The following HNF1A variants were observed in gnomAD, a reference collection of about 807,000 sequenced individuals.
The protein encoded by HNF1A is hepatocyte nuclear factor 1-alpha.
Under a neutral mutation model 62.2 loss-of-function variants are expected in HNF1A, and 21 were observed. The ratio of observed to expected loss-of-function variants is 0.34; its 90% CI spans 0.24 to 0.49. The LOEUF (loss-of-function observed/expected upper bound fraction) is 0.49, where lower values mean the gene tolerates loss of function less well. Among genes scored for constraint, HNF1A ranks in the 20% least tolerant of loss-of-function variants. The pLI, the probability that HNF1A is intolerant of heterozygous loss-of-function variation, is 0.99. For missense variants in HNF1A, 687 were observed against 832.3 expected, an observed-to-expected ratio of 0.83 and a Z score of 2.15; for synonymous variants, 374 against 366.8, an observed-to-expected ratio of 1.02 and a Z score of -0.22.
Position 120,999,654 on chromosome 12 carries a change from C to G in HNF1A, c.1768+27C>G. On this transcript the variant is annotated intron_variant, in intron 9 of 9. Coordinates refer to ENST00000257555, the MANE Select transcript of HNF1A (RefSeq NM_000545.8). ...TGAGAGGCCCTGGCTCCACCCCCTC[C>G]CTTACTGTCCCTGCCCCCTTCCATG... 2.5e-6 allele frequency: 4 copies of G among 1,598,598 alleles called. No homozygotes were observed. The South Asian group carries it at 4.4e-5, about 18-fold the overall frequency.
At chr12:120,990,446 TA>T (rs1565884298) in intron 2 of HNF1A, among the ~76,000 whole-genome samples, 1 of 151,048 alleles carries the variant, frequency 6.6e-6, no homozygotes, top group Non-Finnish European at 1.5e-5. Context: ...TCCAGGTTTT[TA>T]AAAAAGGAAA....
intron 1 of HNF1A, among the ~76,000 whole-genome samples, chr12:120,987,898 C>A (rs1565883146): frequency 6.6e-6 from 1 of 152,138 alleles, no homozygotes; most frequent in African/African-American, 2.4e-5. Context: ...TTCTGTCACC[C>A]AGGCTGGAGT....
chr12:120,988,756 C>A (rs1593054087), intron 1 of HNF1A, 77 bp from the exon 2 acceptor site: 1 of 1,376,572 alleles, frequency 7.3e-7, no homozygotes, highest in East Asian at 2.4e-5. Context: ...GACAAGGTTC[C>A]AGCACCCAGG....
rs1876596267 is a variant in HNF1A, at chr12:120,987,808, AT to A, written c.327-1024del. Among the ~76,000 whole-genome samples the A allele has an allele frequency of 2.0e-5, 3 of 148,262 alleles. No individual in the cohort carries two copies. The South Asian group carries it at 6.4e-4, about 32-fold the overall frequency. Reference sequence around the variant, plus strand: ...TATCTATCTATCTATCTATCTATCTATCTACGTGTTTGCACCCTAATCACTG... The same window carrying A: ...TATCTATCTATCTATCTATCTATCTACTACGTGTTTGCACCCTAATCACTG... On this transcript the variant is annotated intron_variant, in intron 1 of 9. Coordinates refer to ENST00000257555, the MANE Select transcript of HNF1A (RefSeq NM_000545.8).
In HNF1A at chr12:121,000,787, A is replaced by C. The variant is rs533423869; in HGVS notation, c.1769-278A>C. The C allele has an allele frequency of 6.2e-6, 3 of 487,030 alleles. No homozygotes were observed. In the East Asian group the frequency reaches 1.1e-4, roughly 18 times the overall value. 30.2% of individuals were successfully genotyped at this position (487,030 alleles called of 1,614,324 possible). Reference sequence around the variant, plus strand: ...GATTAGTGTTTGACTCAGCCTAGCCAAGCCAACACGTACAACTACCTACCT... The same window carrying C: ...GATTAGTGTTTGACTCAGCCTAGCCCAGCCAACACGTACAACTACCTACCT... On this transcript the variant is annotated intron_variant, in intron 9 of 9. Coordinates refer to ENST00000257555, the MANE Select transcript of HNF1A (RefSeq NM_000545.8).
chr12:120,986,968 G>A (rs1876541880), intron 1 of HNF1A, among the ~76,000 whole-genome samples: 1 of 152,118 alleles, frequency 6.6e-6, no homozygotes, highest in Non-Finnish European at 1.5e-5. Context: ...AGGAGAGGAG[G>A]AGAGAAAATT....
At chr12:120,991,587 C>G (rs1480743723) in intron 2 of HNF1A, among the ~76,000 whole-genome samples, 1 of 151,722 alleles carries the variant, frequency 6.6e-6, no homozygotes, top group East Asian at 1.9e-4. Context: ...GAGGGAGACT[C>G]TGTCAAATAA....
At chr12:120,979,974 G>T (rs1478771305) in intron 1 of HNF1A, among the ~76,000 whole-genome samples, 2 of 151,922 alleles carry the variant, frequency 1.3e-5, no homozygotes, top group South Asian at 4.2e-4. Flanking sequence ...GGGTGTGGGG[G>T]AGAAGGAAGG....
rs542219617 is a variant in HNF1A at position 120,987,860 on chromosome 12, C to A, written c.327-973C>A. On this transcript the variant is annotated intron_variant, in intron 1 of 9. Coordinates refer to ENST00000257555, the MANE Select transcript of HNF1A (RefSeq NM_000545.8). ...GCAGTAAATGCACTTTTTTTCTTTT[C>A]TTTTCTTTTTTTTGAGACAGGGTCT... 1.6e-4 allele frequency among the ~76,000 whole-genome samples: 24 copies of A among 151,922 alleles called. No individual in the cohort carries two copies. In the East Asian group the frequency reaches 3.3e-3, roughly 21 times the overall value.
Position 120,999,189 on chromosome 12 carries a change from C to G in HNF1A, c.1502-79C>G, listed in dbSNP as rs139487741. On this transcript the variant is annotated intron_variant, in intron 7 of 9. Coordinates refer to ENST00000257555, the MANE Select transcript of HNF1A (RefSeq NM_000545.8). ...GGCTGTTCAGCAGGCCCCATGCCCC[C>G]CTTTCCCCAGTCTTGAGGCCTGGGA... 4.7e-5 allele frequency: 74 copies of G among 1,568,596 alleles called. No homozygotes were observed. The East Asian group carries it at 1.1e-3, about 22-fold the overall frequency.
chr12:120,985,142 C>T (rs1876445153), intron 1 of HNF1A, among the ~76,000 whole-genome samples: 1 of 151,752 alleles, frequency 6.6e-6, no homozygotes, highest in African/African-American at 2.4e-5. Flanking sequence ...AACAGGGTCC[C>T]ACTATGTTGT....
At chr12:120,993,733 T>C in intron 3 of HNF1A, 27 bp downstream of exon 3, 3 of 1,611,128 alleles carry the variant, frequency 1.9e-6, no homozygotes, top group Non-Finnish European at 2.5e-6. Flanking sequence ...GAAACAGTGC[T>C]GGTTTGGTCT....
Position 120,988,861 on chromosome 12 carries a change from G to C in HNF1A, c.355G>C (p.Val119Leu). The C allele has an allele frequency of 6.2e-7, 1 of 1,614,244 alleles. No individual in the cohort carries two copies. The highest frequency in any genetic ancestry group is 8.5e-7 in the Non-Finnish European group (1 of 1,180,052). ...QEDPWRVAKM[V>L]KSYLQQHNIP... Reference sequence around the variant, plus strand: ...GGACCCGTGGCGTGTGGCGAAGATGGTCAAGTCCTACCTGCAGCAGCACAA... The same window carrying C: ...GGACCCGTGGCGTGTGGCGAAGATGCTCAAGTCCTACCTGCAGCAGCACAA... The change falls in exon 2 of 10, where the codon GTC (valine) becomes CTC (leucine). Residue 119 changes from valine (V) to leucine (L), a missense_variant. Physicochemically the swap from Val to Leu is conservative, Grantham distance 32. Coordinates refer to ENST00000257555, the MANE Select transcript of HNF1A (RefSeq NM_000545.8).
At position 120,997,425 on chromosome 12, in the gene HNF1A, G is replaced by A. The variant is rs377513149; in HGVS notation, c.1310-49G>A. On this transcript the variant is annotated intron_variant, in intron 6 of 9. Transcript: ENST00000257555. ...TGCCCTTGGGAGGTCTTGGGCAGGG[G>A]TGGGATATAACTGGGGGGCCCAGCT... 22 of 1,549,346 alleles carry A rather than the reference G, an allele frequency of 1.4e-5. No homozygotes were observed. In the East Asian group the frequency reaches 2.3e-4, roughly 16 times the overall value.
At chr12:120,993,081 G>A (rs1876911945) in intron 2 of HNF1A, among the ~76,000 whole-genome samples, 1 of 152,182 alleles carries the variant, frequency 6.6e-6, no homozygotes, top group Non-Finnish European at 1.5e-5. Flanking sequence ...AGTCTGGAAA[G>A]CTGAATATAA....
intron 7 of HNF1A, 106 bp downstream of exon 7, chr12:120,997,771 C>T (rs1220485361): frequency 2.5e-6 from 3 of 1,207,094 alleles, no homozygotes; most frequent in Admixed American, 4.0e-5. Context: ...GCATGTGTCT[C>T]TGGGACAAGT....
At chr12:120,997,172 G>A in intron 6 of HNF1A, 1 of 1,413,332 alleles carries the variant, frequency 7.1e-7, no homozygotes, top group Non-Finnish European at 9.2e-7. Context: ...CTGACCCCAT[G>A]GCCTTTGCAC....
intron 2 of HNF1A, among the ~76,000 whole-genome samples, chr12:120,990,471 T>C (rs957805471): frequency 2.0e-5 from 3 of 151,638 alleles, no homozygotes; most frequent in African/African-American, 7.3e-5. Flanking sequence ...CCAGGCATGG[T>C]GGTGTGCCAT....
rs373911995 is a variant in HNF1A, at chr12:120,988,803, T to C, written c.327-30T>C. On this transcript the variant is annotated intron_variant, in intron 1 of 9. Coordinates refer to ENST00000257555, the MANE Select transcript of HNF1A (RefSeq NM_000545.8). ...ACCTATGGGGAGAGACAGCCCTTGC[T>C]GAGCAGATCCCGTCCTTGCCCTCTC... 4 of 1,610,600 alleles carry C rather than the reference T, an allele frequency of 2.5e-6. No homozygotes were observed. The Admixed American group carries it at 6.7e-5, about 27-fold the overall frequency.
Sources: gnomAD v4.1 joint callset for allele counts (sites outside exome capture counted in the v4.1 genomes callset) on GRCh38, gnomAD v4.1.1 for gene constraint, MANE v1.5 for transcripts, NCBI Gene and HGNC (gene_info 2026-07-23, HGNC 2026-07-21) for gene names.